SEPHS1: variants seen among roughly 807,000 people sequenced by gnomAD.
The protein encoded by SEPHS1 is selenophosphate synthetase 1, also known as zincore component SEPHS1.
A neutral mutation model predicts 39.2 loss-of-function variants in SEPHS1; 7 were observed. The ratio of observed to expected loss-of-function variants is 0.18; its 90% CI spans 0.10 to 0.34. The LOEUF is 0.34. Ranked by LOEUF, SEPHS1 falls within the 10% of genes least tolerant of loss-of-function variation. SEPHS1 has a pLI of 1.00. For synonymous variants in SEPHS1, 190 were observed against 195.5 expected (o/e 0.97, Z 0.23); for missense variants, 253 against 514.5 (o/e 0.49, Z 4.92).
At position 13,325,232 on chromosome 10, in the gene SEPHS1, A is replaced by C. The variant is rs536426894; in HGVS notation, c.752-2185T>G. Among the ~76,000 whole-genome samples the C allele has an allele frequency of 2.0e-5, 3 of 152,308 alleles. No homozygotes were observed. The South Asian group carries it at 6.2e-4, about 32-fold the overall frequency. ...GTTATAAAGTCATCACCAAACCCAA[A>C]GCCACCTCAATTTTCTCTGATGTTA... On this transcript the variant is annotated intron_variant, in intron 7 of 8. Coordinates refer to ENST00000327347, the MANE Select transcript of SEPHS1 (RefSeq NM_012247.5).
At chr10:13,325,906 A>C (rs1833255463) in intron 7 of SEPHS1, among the ~76,000 whole-genome samples, 1 of 20,406 alleles carries the variant, frequency 4.9e-5, no homozygotes, top group Admixed American at 7.4e-4. Context: ...AAAAAAAAAA[A>C]AAAAAAAAAA....
chr10:13,347,057 G>A (rs1764849827), intron 1 of SEPHS1, among the ~76,000 whole-genome samples: 1 of 152,154 alleles, frequency 6.6e-6, no homozygotes, highest in African/African-American at 2.4e-5. Context: ...GAACCAGGGG[G>A]ATCCATTTGC....
chr10:13,346,371 T>G (rs1489882957), intron 1 of SEPHS1, among the ~76,000 whole-genome samples: 1 of 152,076 alleles, frequency 6.6e-6, no homozygotes, highest in Non-Finnish European at 1.5e-5. Context: ...ATTTATAGAG[T>G]TTTCCATCCC....
chr10:13,324,085 T>C (rs1356879652), intron 7 of SEPHS1, among the ~76,000 whole-genome samples: 1 of 152,238 alleles, frequency 6.6e-6, no homozygotes, highest in Non-Finnish European at 1.5e-5. Context: ...CTGCTCTACC[T>C]GATCCCCTTC....
intron 1 of SEPHS1, among the ~76,000 whole-genome samples, chr10:13,347,017 G>C (rs1173833972): frequency 2.0e-5 from 3 of 152,134 alleles, no homozygotes; most frequent in Non-Finnish European, 4.4e-5. Context: ...AAGGGGGAGG[G>C]GGTTCTGGGG....
intron 5 of SEPHS1, among the ~76,000 whole-genome samples, chr10:13,330,625 C>T (rs2130659311): frequency 6.6e-6 from 1 of 152,206 alleles, no homozygotes; most frequent in Non-Finnish European, 1.5e-5. Flanking sequence ...AGGTACTCAC[C>T]CAAGTCGATG....
intron 2 of SEPHS1, among the ~76,000 whole-genome samples, chr10:13,341,075 A>G (rs1833769270): frequency 6.6e-6 from 1 of 152,242 alleles, no homozygotes; most frequent in East Asian, 1.9e-4. Flanking sequence ...GTTTTTAAAA[A>G]TATTACTTTG....
Position 13,328,415 on chromosome 10 carries a change from G to A in SEPHS1, c.687C>T (p.Thr229=). The change falls in exon 7 of 9, where the codon ACC becomes ACT. Residue 229 remains threonine, a synonymous_variant. Transcript: ENST00000327347. ...EKWNKIKLVV[T]QEDVELAYQE... Reference sequence around the variant, plus strand: ...GGTAGGCCAGCTCTACATCTTCTTGGGTGACCACTAGTTTAATCTTATTCC... The same window carrying A: ...GGTAGGCCAGCTCTACATCTTCTTGAGTGACCACTAGTTTAATCTTATTCC... The A allele has an allele frequency of 6.2e-7, 1 of 1,613,394 alleles. No individual in the cohort carries two copies. The highest frequency in any genetic ancestry group is 1.3e-5 in the African/African-American group (1 of 74,980).
At chr10:13,347,096 C>T (rs1422835363) in intron 1 of SEPHS1, among the ~76,000 whole-genome samples, 3 of 152,284 alleles carry the variant, frequency 2.0e-5, no homozygotes, top group Admixed American at 2.0e-4. Flanking sequence ...CCGGCGACCC[C>T]GCAGCCACAT....
chr10:13,333,257 C>T (rs1160937276), intron 5 of SEPHS1, among the ~76,000 whole-genome samples: 3 of 151,860 alleles, frequency 2.0e-5, no homozygotes, highest in Non-Finnish European at 4.4e-5. Flanking sequence ...CCTCAGCCTC[C>T]CAAGTAGCTG....
chr10:13,328,604 A>G (rs1052622700), intron 6 of SEPHS1, among the ~76,000 whole-genome samples, 154 bp from the exon 7 acceptor site: 2 of 152,120 alleles, frequency 1.3e-5, no homozygotes, highest in Non-Finnish European at 2.9e-5. Flanking sequence ...TTTTCTGTGG[A>G]TAGTATTTTA....
At chr10:13,333,442 T>C (rs1171576676) in intron 5 of SEPHS1, among the ~76,000 whole-genome samples, 1 of 149,738 alleles carries the variant, frequency 6.7e-6, no homozygotes, top group East Asian at 2.0e-4. Context: ...CTTGCGTTCT[T>C]GTCTTTTTTT....
At chr10:13,346,069 T>A (rs2130704758) in intron 1 of SEPHS1, among the ~76,000 whole-genome samples, 1 of 152,310 alleles carries the variant, frequency 6.6e-6, no homozygotes, top group South Asian at 2.1e-4. Flanking sequence ...AACAAACTAG[T>A]ACACACATCA....
chr10:13,329,427 C>A (rs1041689600), intron 6 of SEPHS1, among the ~76,000 whole-genome samples: 2 of 152,124 alleles, frequency 1.3e-5, no homozygotes, highest in Non-Finnish European at 2.9e-5. Context: ...TATCTCAGGG[C>A]CAAGTAAACA....
chr10:13,335,612 T>G (rs1361274285), intron 4 of SEPHS1, among the ~76,000 whole-genome samples: 1 of 150,416 alleles, frequency 6.6e-6, no homozygotes, highest in Non-Finnish European at 1.5e-5. Context: ...TGCAGTGAGC[T>G]GAGCTTGTGC....
intron 1 of SEPHS1, among the ~76,000 whole-genome samples, chr10:13,347,696 G>A (rs1388220984): frequency 8.2e-5 from 12 of 146,486 alleles, no homozygotes; most frequent in African/African-American, 2.5e-5. Context: ...AAATGTCGGC[G>A]GGCGAAAAAA....
chr10:13,347,248 G>A (rs1451669583), intron 1 of SEPHS1: 2 of 151,782 alleles, frequency 1.3e-5, no homozygotes, highest in Non-Finnish European at 2.9e-5. Flanking sequence ...GGTGGGCCCG[G>A]CGCGCTGCCC....
intron 3 of SEPHS1, 125 bp downstream of exon 3, chr10:13,338,580 G>T: frequency 2.8e-6 from 2 of 707,186 alleles, no homozygotes; most frequent in Non-Finnish European, 2.4e-6. Context: ...GCAGGGTGGG[G>T]CAGTATAGTC....
chr10:13,342,894 C>A (rs985179899), intron 2 of SEPHS1, among the ~76,000 whole-genome samples: 1 of 152,064 alleles, frequency 6.6e-6, no homozygotes, highest in African/African-American at 2.4e-5. Flanking sequence ...CACCAGCAAG[C>A]CCAGGTAACT....
Sources: allele counts gnomAD v4.1 joint callset (sites outside exome capture counted in the v4.1 genomes callset), GRCh38; gene constraint gnomAD v4.1.1; transcripts MANE v1.5; gene names NCBI Gene and HGNC (gene_info 2026-07-23, HGNC 2026-07-21).